The following CYFIP2 variants were observed in gnomAD, a reference collection of about 807,000 sequenced individuals.
CYFIP2 encodes the protein cytoplasmic FMR1 interacting protein 2.
Under a neutral mutation model 158.7 loss-of-function variants are expected in CYFIP2, and 29 were observed. That is an observed-to-expected ratio of 0.18 (90% CI 0.14 to 0.25). The LOEUF is 0.25. CYFIP2 is among the 10% of genes least tolerant of loss of function. The pLI is 1.00. For synonymous variants in CYFIP2, 585 were observed against 617.6 expected (o/e 0.95, Z 0.78); for missense variants, 852 against 1,639.5 (o/e 0.52, Z 8.29).
intron 1 of CYFIP2, among the ~76,000 whole-genome samples, chr5:157,270,040 A>C (rs1170687517): frequency 6.6e-6 from 1 of 152,252 alleles, no homozygotes; most frequent in Non-Finnish European, 1.5e-5. Context: ...GAGTTCAGGC[A>C]GAATTTCTTG....
At chr5:157,277,673 T>C (rs966837905) in intron 1 of CYFIP2, among the ~76,000 whole-genome samples, 1 of 152,230 alleles carries the variant, frequency 6.6e-6, no homozygotes, top group African/African-American at 2.4e-5. Context: ...CAAACTCAGA[T>C]TGATTGCTGG....
intron 28 of CYFIP2, chr5:157,384,939 C>CAAAAAAAAAAAAAAAAAAAAAAAAA: frequency 1.6e-5 from 1 of 63,866 alleles, no homozygotes; most frequent in Non-Finnish European, 2.9e-5. Flanking sequence ...GACTCCATCT[C>CAAAAAAAAAAAAAAAAAAAAAAAAA]AAAAAAAAAA....
intron 26 of CYFIP2, chr5:157,365,460 A>C (rs1041218134): frequency 2.0e-5 from 3 of 152,174 alleles, no homozygotes; most frequent in Non-Finnish European, 2.9e-5. Flanking sequence ...AATATTTCTC[A>C]AAATTCAGGG....
rs542347143 is a variant in CYFIP2, at chr5:157,324,204, A to C, written c.1825+130A>C. The C allele has an allele frequency of 2.7e-6, 3 of 1,092,286 alleles. No homozygotes were observed. The East Asian group carries it at 7.9e-5, about 29-fold the overall frequency. 67.7% of individuals were successfully genotyped at this position (1,092,286 alleles called of 1,614,324 possible). A position where few individuals can be genotyped will look rare whatever the true frequency, so the allele number is the denominator to read the frequency against. On this transcript the variant is annotated intron_variant, in intron 16 of 30. Coordinates refer to ENST00000620254, the MANE Select transcript of CYFIP2 (RefSeq NM_001037333.3). ...CCCTAAGGGGCACATATCACCACCA[A>C]GGAAAAAACACATACACTTTCCAGT...
intron 26 of CYFIP2, chr5:157,375,942 CGTTA>C (rs1765432265): frequency 1.3e-5 from 2 of 152,180 alleles, no homozygotes; most frequent in Admixed American, 1.3e-4. Context: ...CTCTAAGCCC[CGTTA>C]GAACTGAAAG....
intron 28 of CYFIP2, chr5:157,384,590 C>T (rs983630726): frequency 3.2e-5 from 14 of 432,482 alleles, no homozygotes; most frequent in Non-Finnish European, 5.7e-5. Flanking sequence ...GCTGAGGAAG[C>T]CACCCCAGCC....
At chr5:157,309,242 C>T (rs1759503436) in intron 9 of CYFIP2, among the ~76,000 whole-genome samples, 1 of 152,198 alleles carries the variant, frequency 6.6e-6, no homozygotes, top group Non-Finnish European at 1.5e-5. Context: ...ACCAGCCTCC[C>T]CGCCATTTGC....
chr5:157,340,253 GATCTTCTAGGT>G (rs1762156770), intron 22 of CYFIP2, among the ~76,000 whole-genome samples: 1 of 152,234 alleles, frequency 6.6e-6, no homozygotes, highest in African/African-American at 2.4e-5. Flanking sequence ...TTCATCTGCA[GATCTTCTAGGT>G]ATCTCCAAGC....
chr5:157,286,876 A>AG, intron 2 of CYFIP2, 143 bp from the exon 3 acceptor site: 2 of 593,306 alleles, frequency 3.4e-6, no homozygotes, highest in Non-Finnish European at 6.3e-6. Context: ...TTTGTGGGGA[A>AG]GGGGCAAGAT....
chr5:157,338,720 A>T (rs1762033835), intron 21 of CYFIP2, among the ~76,000 whole-genome samples: 1 of 152,250 alleles, frequency 6.6e-6, no homozygotes, highest in South Asian at 2.1e-4. Flanking sequence ...TCTCACCAAC[A>T]TAGAAACTGG....
chr5:157,392,615 TTATTG>T (rs952572876), intron 30 of CYFIP2, among the ~76,000 whole-genome samples: 6 of 152,220 alleles, frequency 3.9e-5, no homozygotes, highest in African/African-American at 1.4e-4. Flanking sequence ...GTGTTGTTGA[TTATTG>T]TAGCTCTGTA....
intron 3 of CYFIP2, among the ~76,000 whole-genome samples, chr5:157,292,300 A>T (rs1331930695): frequency 6.6e-6 from 1 of 151,714 alleles, no homozygotes; most frequent in Non-Finnish European, 1.5e-5. Context: ...GCTCACCGCA[A>T]CTTCCACCTC....
intron 1 of CYFIP2, among the ~76,000 whole-genome samples, chr5:157,274,487 TGTTA>T (rs1407775022): frequency 3.6e-4 from 55 of 152,254 alleles, no homozygotes; most frequent in African/African-American, 1.2e-3. Context: ...TTGATGCATA[TGTTA>T]GTTCTGCTTT....
chr5:157,333,834 T>C (rs1900157), intron 21 of CYFIP2, among the ~76,000 whole-genome samples: 34,763 of 152,142 alleles, frequency 0.23, 4,539 homozygotes, highest in African/African-American at 0.35. Context: ...TGGTTTACCA[T>C]TCTGCTTCAC....
At chr5:157,387,524 G>C (rs1482455734) in intron 28 of CYFIP2, among the ~76,000 whole-genome samples, 1 of 152,172 alleles carries the variant, frequency 6.6e-6, no homozygotes, top group Non-Finnish European at 1.5e-5. Flanking sequence ...AATATTCATG[G>C]CTTGAGAACA....
chr5:157,330,240 A>ATGTGTGTGTGTGTGTG (rs58447290), intron 19 of CYFIP2, among the ~76,000 whole-genome samples: 30 of 144,322 alleles, frequency 2.1e-4, no homozygotes, highest in African/African-American at 5.1e-5. Flanking sequence ...GAGATTTAAA[A>ATGTGTGTGTGTGTGTG]TGTGTGTGTG....
intron 19 of CYFIP2, among the ~76,000 whole-genome samples, chr5:157,328,570 G>A (rs1761207102): frequency 6.6e-6 from 1 of 152,166 alleles, no homozygotes; most frequent in African/African-American, 2.4e-5. Context: ...ATTAATACAT[G>A]TCAGTGTCTC....
chr5:157,343,453 G>A (rs1248527386), intron 23 of CYFIP2: 2 of 1,612,586 alleles, frequency 1.2e-6, no homozygotes, highest in Non-Finnish European at 1.7e-6. Context: ...ACATAATATG[G>A]TAATAGTCCT....
Position 157,296,720 on chromosome 5 carries a change from A to G in CYFIP2, c.333A>G (p.Thr111=). The G allele has an allele frequency of 6.2e-7, 1 of 1,613,900 alleles. No homozygotes were observed. Among genetic ancestry groups the G allele is most frequent in the Non-Finnish European group, 8.5e-7 (1 of 1,179,780 alleles). Residue 111 remains threonine, a synonymous_variant, in exon 5 of 31, where the codon ACA becomes ACG. Transcript: ENST00000620254. ...ACCGAGTAGAGATCTATGAGAAGAC[A>G]GTAGAGGTGCTGGAGCCGGAGGTCA... The part of the protein sequence containing the change: ...QPNRVEIYEK[T]VEVLEPEVTK...
Sources: allele counts gnomAD v4.1 joint callset (sites outside exome capture counted in the v4.1 genomes callset), GRCh38; gene constraint gnomAD v4.1.1; transcripts MANE v1.5; gene names NCBI Gene and HGNC (gene_info 2026-07-23, HGNC 2026-07-21).